CACUL1: variants seen among roughly 807,000 people sequenced by gnomAD.
CACUL1 encodes the protein CDK2 associated cullin domain 1.
Under a neutral mutation model 45.2 loss-of-function variants are expected in CACUL1, and 13 were observed. The observed-to-expected ratio is 0.29, with a 90% CI of 0.19 to 0.46. CACUL1 has a LOEUF of 0.46. Ranked by LOEUF, CACUL1 falls within the 20% of genes least tolerant of loss-of-function variation. The probability of loss-of-function intolerance (pLI) is 1.00; values close to 1 mark genes in which losing one functional copy is unlikely to be tolerated. For missense variants in CACUL1, 421 were observed against 471.4 expected (o/e 0.89, Z 0.99); for synonymous variants, 197 against 174.2 (o/e 1.13, Z -1.03).
chr10:118,702,426 C>T (rs1178384940), intron 4 of CACUL1, among the ~76,000 whole-genome samples: 1 of 152,198 alleles, frequency 6.6e-6, no homozygotes, highest in Non-Finnish European at 1.5e-5. Flanking sequence ...TATTGAACCA[C>T]AGATTCAACC....
chr10:118,744,659 T>G (rs981030271), intron 1 of CACUL1, among the ~76,000 whole-genome samples: 2 of 152,080 alleles, frequency 1.3e-5, no homozygotes, highest in Non-Finnish European at 2.9e-5. Context: ...CAAGTTTTTT[T>G]GGGGGGCCGG....
intron 1 of CACUL1, among the ~76,000 whole-genome samples, chr10:118,745,075 G>A (rs1436741320): frequency 6.6e-6 from 1 of 152,196 alleles, no homozygotes; most frequent in Non-Finnish European, 1.5e-5. Flanking sequence ...GACAATAGTG[G>A]ATAAATGGAA....
chr10:118,715,936 T>C (rs1245656889), intron 3 of CACUL1, among the ~76,000 whole-genome samples: 6 of 152,154 alleles, frequency 3.9e-5, no homozygotes, highest in African/African-American at 1.4e-4. Context: ...AATGCAACTA[T>C]GGAAAAATAA....
intron 3 of CACUL1, among the ~76,000 whole-genome samples, chr10:118,723,329 T>G (rs1845618941): frequency 6.6e-6 from 1 of 152,200 alleles, no homozygotes. Flanking sequence ...TCCTGGACAA[T>G]GCAAGGCTTC....
chr10:118,696,619 G>A (rs894328278), intron 5 of CACUL1, among the ~76,000 whole-genome samples: 1 of 152,206 alleles, frequency 6.6e-6, no homozygotes, highest in Non-Finnish European at 1.5e-5. Context: ...CTCCAGCTTG[G>A]GTAACACAGC....
chr10:118,742,655 C>A (rs11816830), intron 1 of CACUL1, among the ~76,000 whole-genome samples: 1 of 151,996 alleles, frequency 6.6e-6, no homozygotes, highest in African/African-American at 2.4e-5. Flanking sequence ...TTACACACCC[C>A]CCTCCCAACA....
At chr10:118,691,866 CAA>C (rs754241223) in intron 6 of CACUL1, among the ~76,000 whole-genome samples, 48 of 95,420 alleles carry the variant, frequency 5.0e-4, no homozygotes, top group East Asian at 2.7e-3. Flanking sequence ...GACTCCGTCT[CAA>C]AAAAAAAAAA....
intron 3 of CACUL1, among the ~76,000 whole-genome samples, chr10:118,727,620 T>G (rs1316539597): frequency 6.6e-6 from 1 of 152,162 alleles, no homozygotes; most frequent in Non-Finnish European, 1.5e-5. Context: ...TTAGACTTAG[T>G]AAACGACATT....
At chr10:118,708,181 A>G (rs949516988) in intron 3 of CACUL1, among the ~76,000 whole-genome samples, 4 of 151,136 alleles carry the variant, frequency 2.6e-5, no homozygotes, top group African/African-American at 9.7e-5. Context: ...GCACTCAACG[A>G]TAAATGATTT....
At chr10:118,729,138 C>G (rs1845676944) in intron 3 of CACUL1, 157 bp downstream of exon 3, 1 of 571,040 alleles carries the variant, frequency 1.8e-6, no homozygotes, top group Admixed American at 3.7e-5. Context: ...ACAATCTATT[C>G]CAAAAATTAC....
chr10:118,705,376 A>T (rs1330395774), intron 4 of CACUL1, among the ~76,000 whole-genome samples: 1 of 152,026 alleles, frequency 6.6e-6, no homozygotes, highest in Admixed American at 6.5e-5. Flanking sequence ...CCCAAAATAA[A>T]TTTTTCTGCA....
At position 118,686,099 on chromosome 10, in the gene CACUL1, C is replaced by A; in HGVS notation, c.*29G>T. The A allele has an allele frequency of 6.3e-7, 1 of 1,583,000 alleles. No individual in the cohort carries two copies. Among genetic ancestry groups the A allele is most frequent in the Non-Finnish European group, 8.7e-7 (1 of 1,151,796 alleles). ...CTGCAGCTCCAGTGTGTCCTCTTTTCAGGAAGGAAAGCATATTCAATACAT... is the reference window on the plus strand; with the variant it reads ...CTGCAGCTCCAGTGTGTCCTCTTTTAAGGAAGGAAAGCATATTCAATACAT... On this transcript the variant is annotated 3_prime_UTR_variant, in exon 9 of 9. Coordinates refer to ENST00000369151, the MANE Select transcript of CACUL1 (RefSeq NM_153810.5).
intron 8 of CACUL1, 69 bp downstream of exon 8, chr10:118,686,529 T>C (rs779865209): frequency 8.3e-5 from 97 of 1,166,386 alleles, no homozygotes; most frequent in African/African-American, 7.2e-4. Context: ...TGCACTGTTA[T>C]CACAGTGCAT....
At chr10:118,751,714 G>A (rs1460167967) in intron 1 of CACUL1, among the ~76,000 whole-genome samples, 2 of 152,106 alleles carry the variant, frequency 1.3e-5, no homozygotes, top group African/African-American at 4.8e-5. Context: ...TTTAGACTTA[G>A]GCTATTGAGT....
At chr10:118,733,939 C>A (rs1407987815) in intron 1 of CACUL1, among the ~76,000 whole-genome samples, 1 of 152,150 alleles carries the variant, frequency 6.6e-6, no homozygotes, top group Non-Finnish European at 1.5e-5. Context: ...ATCTTTCAAG[C>A]CCAAAGGTCA....
At chr10:118,737,589 G>C (rs1196166976) in intron 1 of CACUL1, among the ~76,000 whole-genome samples, 1 of 151,060 alleles carries the variant, frequency 6.6e-6, no homozygotes, top group East Asian at 1.9e-4. Flanking sequence ...AACTTGTAGA[G>C]CAAACACACA....
intron 7 of CACUL1, among the ~76,000 whole-genome samples, chr10:118,688,141 CAGAA>C (rs995179375): frequency 5.3e-5 from 8 of 152,234 alleles, no homozygotes; most frequent in African/African-American, 1.7e-4. Flanking sequence ...AACTGACCGG[CAGAA>C]AGAGTACACA....
At chr10:118,704,690 C>A (rs2119586137) in intron 4 of CACUL1, among the ~76,000 whole-genome samples, 1 of 152,278 alleles carries the variant, frequency 6.6e-6, no homozygotes, top group East Asian at 1.9e-4. Flanking sequence ...TTTGTATATT[C>A]ACAAACCAAT....
chr10:118,704,401 T>C (rs1236136584), intron 4 of CACUL1, among the ~76,000 whole-genome samples: 1 of 152,192 alleles, frequency 6.6e-6, no homozygotes, highest in Non-Finnish European at 1.5e-5. Flanking sequence ...TTCTCATTCA[T>C]TTTAATATCA....
Sources: gnomAD v4.1 joint callset for allele counts (sites outside exome capture counted in the v4.1 genomes callset) on GRCh38, gnomAD v4.1.1 for gene constraint, MANE v1.5 for transcripts, NCBI Gene and HGNC (gene_info 2026-07-23, HGNC 2026-07-21) for gene names.